Variants in KCNB2 observed in about 807,000 individuals in gnomAD.
The protein encoded by KCNB2 is delayed rectifier potassium channel protein.
Under a neutral mutation model 61.5 loss-of-function variants are expected in KCNB2, and 15 were observed. That is an observed-to-expected ratio of 0.24 (90% confidence interval 0.16 to 0.38). The LOEUF (loss-of-function observed/expected upper bound fraction) is 0.38. KCNB2 is among the 10% of genes least tolerant of loss of function. KCNB2 has a pLI of 1.00. For missense variants in KCNB2, 828 were observed against 1,125.2 expected, an observed-to-expected ratio of 0.74 and a Z score of 3.78; for synonymous variants, 457 against 446.0, an observed-to-expected ratio of 1.02 and a Z score of -0.31.
intron 2 of KCNB2, among the ~76,000 whole-genome samples, chr8:72,742,924 G>T (rs1341045369): frequency 1.3e-5 from 2 of 152,196 alleles, no homozygotes; most frequent in Non-Finnish European, 2.9e-5. Context: ...GTTGCCATTG[G>T]GGTTGGGGTG....
chr8:72,892,386 A>G (rs1805911893), intron 2 of KCNB2, among the ~76,000 whole-genome samples: 1 of 152,182 alleles, frequency 6.6e-6, no homozygotes, highest in African/African-American at 2.4e-5. Flanking sequence ...CTACCCACAG[A>G]AAGTCAAAAA....
Position 72,650,804 on chromosome 8 carries a change from T to C in KCNB2, c.579+82491T>C, listed in dbSNP as rs759355397. On this transcript the variant is annotated intron_variant, in intron 2 of 2. Coordinates refer to ENST00000523207, the MANE Select transcript of KCNB2 (RefSeq NM_004770.3). ...AAGAATTAACCTTGCTTTCAATGTC[T>C]GTAAGCTCTGGTGAAGATTTAGAAA... 4.0e-4 allele frequency among the ~76,000 whole-genome samples: 61 copies of C among 152,308 alleles called. 1 individual carries two copies. The Middle Eastern group carries it at 0.01, about 25-fold the overall frequency.
At chr8:72,567,612 A>G (rs931227938) in intron 1 of KCNB2, 30 bp from the exon 2 acceptor site, 7 of 672,964 alleles carry the variant, frequency 1.0e-5, no homozygotes, top group African/African-American at 1.8e-5. Flanking sequence ...GGAAAATGCA[A>G]GTAACCAAGT....
chr8:72,539,034 A>G (rs180836776), intron 1 of KCNB2, among the ~76,000 whole-genome samples: 2 of 151,684 alleles, frequency 1.3e-5, no homozygotes, highest in East Asian at 1.9e-4. Context: ...CATATCAAGA[A>G]AATAAAGTTT....
At chr8:72,750,729 AG>A (rs1417213611) in intron 2 of KCNB2, 3 of 152,122 alleles carry the variant, frequency 2.0e-5, no homozygotes, top group Admixed American at 2.0e-4. Flanking sequence ...TTCCATAATT[AG>A]TTCCATCAAC....
At chr8:72,764,132 T>C (rs1056136336) in intron 2 of KCNB2, among the ~76,000 whole-genome samples, 1 of 152,086 alleles carries the variant, frequency 6.6e-6, no homozygotes, top group Non-Finnish European at 1.5e-5. Flanking sequence ...CTCAGCTAGA[T>C]GCCAATGACC....
At chr8:72,834,937 C>T (rs578049900) in intron 2 of KCNB2, among the ~76,000 whole-genome samples, 18 of 152,200 alleles carry the variant, frequency 1.2e-4, no homozygotes, top group African/African-American at 4.3e-4. Context: ...CCAAATAGTG[C>T]CAGTGCTAAT....
intron 2 of KCNB2, among the ~76,000 whole-genome samples, chr8:72,892,281 A>T (rs1433865211): frequency 6.6e-6 from 1 of 152,168 alleles, no homozygotes; most frequent in African/African-American, 2.4e-5. Context: ...GGAGATAACA[A>T]GGTCTGTGTG....
At chr8:72,932,034 ACTC>A (rs1292667275) in intron 2 of KCNB2, among the ~76,000 whole-genome samples, 3 of 151,592 alleles carry the variant, frequency 2.0e-5, no homozygotes, top group African/African-American at 4.9e-5. Context: ...AACAAAAAAA[ACTC>A]CTGAGACAGT....
intron 2 of KCNB2, among the ~76,000 whole-genome samples, chr8:72,787,410 T>C (rs148744466): frequency 1.3e-5 from 2 of 151,778 alleles, no homozygotes; most frequent in East Asian, 1.9e-4. Flanking sequence ...AATAAATAAA[T>C]ACATCTGAAT....
intron 2 of KCNB2, among the ~76,000 whole-genome samples, chr8:72,726,720 T>G (rs920713212): frequency 3.3e-5 from 5 of 152,224 alleles, no homozygotes; most frequent in Non-Finnish European, 7.3e-5. Context: ...AGTTCTGCAT[T>G]TTAAATATTT....
At chr8:72,740,736 C>A (rs570740164) in intron 2 of KCNB2, among the ~76,000 whole-genome samples, 53 of 152,286 alleles carry the variant, frequency 3.5e-4, no homozygotes, top group African/African-American at 1.2e-3. Flanking sequence ...ATCTTTAAAT[C>A]CTAAATACTG....
At chr8:72,824,662 C>G (rs1215047854) in intron 2 of KCNB2, among the ~76,000 whole-genome samples, 1 of 152,142 alleles carries the variant, frequency 6.6e-6, no homozygotes, top group Non-Finnish European at 1.5e-5. Flanking sequence ...AGCAATGAGT[C>G]CGCCCTTCTC....
chr8:72,625,614 A>G (rs1481194765), intron 2 of KCNB2, among the ~76,000 whole-genome samples: 3 of 152,010 alleles, frequency 2.0e-5, no homozygotes, highest in African/African-American at 4.8e-5. Flanking sequence ...TATTTTTTCT[A>G]GAGACAGGGT....
chr8:72,882,555 G>A (rs949954206), intron 2 of KCNB2, among the ~76,000 whole-genome samples: 16 of 150,394 alleles, frequency 1.1e-4, no homozygotes, highest in African/African-American at 3.7e-4. Flanking sequence ...GAGAGAGAGA[G>A]AATGTGTGTC....
At chr8:72,729,787 G>T (rs529409136) in intron 2 of KCNB2, among the ~76,000 whole-genome samples, 6 of 152,172 alleles carry the variant, frequency 3.9e-5, no homozygotes, top group African/African-American at 1.4e-4. Context: ...GGAGGCTGAG[G>T]CAGGAGAATC....
At chr8:72,855,948 C>G (rs1009686284) in intron 2 of KCNB2, among the ~76,000 whole-genome samples, 7 of 152,144 alleles carry the variant, frequency 4.6e-5, no homozygotes, top group Non-Finnish European at 7.4e-5. Flanking sequence ...CTTATAATAC[C>G]TAATACAATG....
At chr8:72,639,667 G>A (rs537585934) in intron 2 of KCNB2, among the ~76,000 whole-genome samples, 2 of 152,180 alleles carry the variant, frequency 1.3e-5, no homozygotes, top group South Asian at 4.1e-4. Flanking sequence ...TCACTGAGTA[G>A]AGCAGTCATT....
intron 2 of KCNB2, among the ~76,000 whole-genome samples, chr8:72,897,589 C>T (rs1806013283): frequency 1.3e-5 from 2 of 152,090 alleles, no homozygotes; most frequent in Non-Finnish European, 2.9e-5. Flanking sequence ...AAATTAGCTC[C>T]ATGACCAGAA....
Sources: allele counts gnomAD v4.1 joint callset (sites outside exome capture counted in the v4.1 genomes callset), GRCh38; gene constraint gnomAD v4.1.1; transcripts MANE v1.5; gene names NCBI Gene and HGNC (gene_info 2026-07-23, HGNC 2026-07-21).